BTC: variants seen among roughly 807,000 people sequenced by gnomAD.
The protein encoded by BTC is betacellulin, also known as probetacellulin.
In BTC, 13 loss-of-function variants were observed where a neutral mutation model predicts 18.1. The observed-to-expected ratio is 0.72, with a 90% CI of 0.47 to 1.14. BTC has a LOEUF of 1.14. BTC is among the 50% of genes most tolerant of loss of function. The pLI is 0.00. For synonymous variants in BTC, 83 were observed against 79.4 expected (o/e 1.05, Z -0.24); for missense variants, 247 against 224.2 (o/e 1.10, Z -0.65).
intron 1 of BTC, among the ~76,000 whole-genome samples, chr4:74,788,546 A>G (rs1488865952): frequency 1.3e-5 from 2 of 152,216 alleles, no homozygotes; most frequent in Non-Finnish European, 2.9e-5. Flanking sequence ...CTACAATTAG[A>G]CTTTTCTCAT....
intron 1 of BTC, among the ~76,000 whole-genome samples, chr4:74,777,883 G>A (rs906957924): frequency 3.9e-5 from 6 of 152,058 alleles, no homozygotes; most frequent in African/African-American, 7.2e-5. Context: ...AAGTTTTTAA[G>A]TTGAAATCAA....
intron 1 of BTC, among the ~76,000 whole-genome samples, chr4:74,793,152 A>G (rs1228320978): frequency 6.6e-6 from 1 of 152,244 alleles, no homozygotes; most frequent in Non-Finnish European, 1.5e-5. Flanking sequence ...ATGAATGTAC[A>G]CATTCACTCT....
intron 2 of BTC, among the ~76,000 whole-genome samples, chr4:74,762,083 G>T (rs1324880964): frequency 6.6e-6 from 1 of 152,176 alleles, no homozygotes; most frequent in Non-Finnish European, 1.5e-5. Context: ...ACCCAAGTTA[G>T]AAAATGATAC....
intron 1 of BTC, among the ~76,000 whole-genome samples, chr4:74,790,164 T>C (rs1725583523): frequency 6.6e-6 from 1 of 152,176 alleles, no homozygotes; most frequent in Admixed American, 6.5e-5. Context: ...CATTAATTAG[T>C]AGAGCCTGAT....
intron 1 of BTC, among the ~76,000 whole-genome samples, chr4:74,789,499 CTG>C (rs1301055196): frequency 6.6e-6 from 1 of 152,104 alleles, no homozygotes; most frequent in African/African-American, 2.4e-5. Context: ...CAAAATAATT[CTG>C]TGTCTCTAAA....
Position 74,786,097 on chromosome 4 carries a change from G to A in BTC, c.64+8165C>T, listed in dbSNP as rs554674795. Among the ~76,000 whole-genome samples the A allele has an allele frequency of 1.2e-4, 18 of 152,300 alleles. No homozygotes were observed. The South Asian group carries it at 3.7e-3, about 32-fold the overall frequency. ...TATAGAGAAGGTCAAGGAGATACCT[G>A]AATACGTAGTAACATCCTGTGTCTG... On this transcript the variant is annotated intron_variant, in intron 1 of 5. Transcript: ENST00000395743.
intron 2 of BTC, among the ~76,000 whole-genome samples, chr4:74,756,538 A>T (rs1724604077): frequency 6.6e-6 from 1 of 152,194 alleles, no homozygotes; most frequent in African/African-American, 2.4e-5. Flanking sequence ...GATCACACAG[A>T]TAGAAAGTGG....
intron 3 of BTC, among the ~76,000 whole-genome samples, chr4:74,751,896 C>T (rs1453602204): frequency 2.6e-5 from 4 of 152,086 alleles, no homozygotes; most frequent in Non-Finnish European, 5.9e-5. Flanking sequence ...GAAGTTAAAA[C>T]ACAAAGTGAT....
Position 74,745,458 on chromosome 4 carries a change from C to G in BTC, c.*1219G>C, listed in dbSNP as rs183281895. On this transcript the variant is annotated 3_prime_UTR_variant, in exon 6 of 6. Coordinates refer to ENST00000395743, the MANE Select transcript of BTC (RefSeq NM_001729.4). ...CTTCCATCGATTTTTGTAAGTGAAC[C>G]ACGTAATCAATGTAAAAAGTTAAAT... 8.9e-4 allele frequency: 136 copies of G among 152,230 alleles called. No individual in the cohort carries two copies. Among genetic ancestry groups the G allele is most frequent in the African/African-American group, 3.1e-3 (128 of 41,536 alleles). 9.4% of individuals were successfully genotyped at this position (152,230 alleles called of 1,614,324 possible).
At chr4:74,749,613 T>C (rs1724395995) in intron 4 of BTC, among the ~76,000 whole-genome samples, 1 of 150,386 alleles carries the variant, frequency 6.6e-6, no homozygotes, top group Non-Finnish European at 1.5e-5. Flanking sequence ...CAGTGAAGGG[T>C]AGATGCAAGA....
intron 2 of BTC, among the ~76,000 whole-genome samples, chr4:74,763,622 A>G (rs1241582080): frequency 1.3e-5 from 2 of 152,140 alleles, no homozygotes; most frequent in Non-Finnish European, 2.9e-5. Flanking sequence ...AACCTCCTGA[A>G]TGGGAGAGAA....
chr4:74,757,973 G>A (rs1391757909), intron 2 of BTC, among the ~76,000 whole-genome samples: 5 of 152,172 alleles, frequency 3.3e-5, no homozygotes, highest in African/African-American at 7.2e-5. Context: ...CAGTAAATGA[G>A]TTAATCCCAG....
chr4:74,767,180 T>TAC (rs56936798), intron 2 of BTC, among the ~76,000 whole-genome samples: 32,856 of 147,464 alleles, frequency 0.22, 4,343 homozygotes, highest in African/African-American at 0.38. Flanking sequence ...TTCTAAAGAC[T>TAC]ACACACACAC....
At chr4:74,781,281 G>A (rs1404799677) in intron 1 of BTC, among the ~76,000 whole-genome samples, 1 of 152,024 alleles carries the variant, frequency 6.6e-6, no homozygotes, top group Non-Finnish European at 1.5e-5. Flanking sequence ...ACTATACAGG[G>A]GAAACCTTGG....
At chr4:74,789,226 G>A (rs536582546) in intron 1 of BTC, among the ~76,000 whole-genome samples, 1 of 152,306 alleles carries the variant, frequency 6.6e-6, no homozygotes, top group African/African-American at 2.4e-5. Context: ...CATGGCCATG[G>A]TGGGCAAATT....
intron 1 of BTC, among the ~76,000 whole-genome samples, chr4:74,777,315 C>G (rs971633007): frequency 2.0e-5 from 3 of 152,092 alleles, no homozygotes; most frequent in Non-Finnish European, 4.4e-5. Flanking sequence ...GCGTTTGTAA[C>G]TTAGGTAATG....
intron 1 of BTC, among the ~76,000 whole-genome samples, chr4:74,781,299 G>A (rs1478171454): frequency 6.6e-6 from 1 of 151,876 alleles, no homozygotes; most frequent in Non-Finnish European, 1.5e-5. Context: ...TGGTTGAAAC[G>A]ACTTTTCACA....
At chr4:74,750,314 T>C (rs188158175) in intron 4 of BTC, among the ~76,000 whole-genome samples, 1,892 of 152,300 alleles carry the variant, frequency 0.012, 17 homozygotes, top group Non-Finnish European at 0.017. Flanking sequence ...TGGTACAGTT[T>C]TAGAAAATAG....
chr4:74,792,231 A>T (rs1205657355), intron 1 of BTC, among the ~76,000 whole-genome samples: 1 of 152,210 alleles, frequency 6.6e-6, no homozygotes, highest in Non-Finnish European at 1.5e-5. Flanking sequence ...CAAGCCAATC[A>T]TTTAACAGGG....
Sources: gnomAD v4.1 joint callset for allele counts (sites outside exome capture counted in the v4.1 genomes callset) on GRCh38, gnomAD v4.1.1 for gene constraint, MANE v1.5 for transcripts, NCBI Gene and HGNC (gene_info 2026-07-23, HGNC 2026-07-21) for gene names.